Variants in RBFOX1 observed in about 807,000 individuals in gnomAD.
RBFOX1 encodes the protein RNA binding protein fox-1 homolog 1.
A neutral mutation model predicts 57.7 loss-of-function variants in RBFOX1; 8 were observed. The ratio of observed to expected loss-of-function variants is 0.14; its 90% CI spans 0.08 to 0.25. The LOEUF (loss-of-function observed/expected upper bound fraction) is 0.25. Ranked by LOEUF, RBFOX1 falls within the 10% of genes least tolerant of loss-of-function variation. The pLI is 1.00. For synonymous variants in RBFOX1, 326 were observed against 222.4 expected (o/e 1.47, Z -4.15); for missense variants, 611 against 548.5 (o/e 1.11, Z -1.14).
chr16:6,691,026 G>A (rs553008487), intron 3 of RBFOX1, among the ~76,000 whole-genome samples: 4 of 152,088 alleles, frequency 2.6e-5, no homozygotes, highest in Non-Finnish European at 5.9e-5. Flanking sequence ...GCAGCTTCCA[G>A]TCATTTTGTT....
intron 1 of RBFOX1, among the ~76,000 whole-genome samples, chr16:5,310,013 G>C (rs1443448834): frequency 6.6e-6 from 1 of 152,046 alleles, no homozygotes; most frequent in Admixed American, 6.5e-5. Flanking sequence ...AACCTTTTTT[G>C]GCTTAGCCAT....
intron 4 of RBFOX1, among the ~76,000 whole-genome samples, chr16:7,219,145 T>A (rs1204694166): frequency 6.6e-6 from 1 of 152,074 alleles, no homozygotes. Flanking sequence ...CTGCTCGGAG[T>A]AGCCTTGTTA....
chr16:6,274,623 A>C (rs1157838888), intron 1 of RBFOX1, among the ~76,000 whole-genome samples: 2 of 152,288 alleles, frequency 1.3e-5, no homozygotes, highest in South Asian at 4.1e-4. Flanking sequence ...TGACTGTATT[A>C]GCGCTATCAT....
At chr16:7,187,807 T>C (rs1243082857) in intron 4 of RBFOX1, among the ~76,000 whole-genome samples, 1 of 151,160 alleles carries the variant, frequency 6.6e-6, no homozygotes, top group Non-Finnish European at 1.5e-5. Flanking sequence ...TTTTTCTTAA[T>C]GGTGAGAAAT....
chr16:7,512,940 G>T (rs2075491901), intron 4 of RBFOX1, among the ~76,000 whole-genome samples: 1 of 152,206 alleles, frequency 6.6e-6, no homozygotes, highest in South Asian at 2.1e-4. Flanking sequence ...GGTCCATGGT[G>T]TGTGTGATAG....
In RBFOX1 at chr16:6,863,725, C is replaced by CTTTTT. The variant is rs71408412; in HGVS notation, c.-15-188309_-15-188305dup. 2.5e-3 allele frequency among the ~76,000 whole-genome samples: 169 copies of CTTTTT among 67,756 alleles called. 13 individuals are homozygous for CTTTTT. Among genetic ancestry groups the CTTTTT allele is most frequent in the African/African-American group, 3.8e-3 (51 of 13,378 alleles). 44.5% of individuals were successfully genotyped at this position (67,756 alleles called of 152,430 possible). The stretch of plus-strand genomic sequence containing the variant: ...CGGAAGCACAAATTGGATGCCTGCG[C>CTTTTT]TTTTTTTTTTTTTTTTTTTTTTTTT... On this transcript the variant is annotated intron_variant, in intron 3 of 15. Transcript: ENST00000550418.
chr16:7,260,693 T>A (rs753289412), intron 4 of RBFOX1, among the ~76,000 whole-genome samples: 1 of 144,978 alleles, frequency 6.9e-6, no homozygotes, highest in East Asian at 3.3e-4. Context: ...AATGTTCTAA[T>A]GAGAATATTT....
At chr16:7,414,740 C>G (rs1327095824) in intron 4 of RBFOX1, among the ~76,000 whole-genome samples, 3 of 152,172 alleles carry the variant, frequency 2.0e-5, no homozygotes, top group Non-Finnish European at 4.4e-5. Flanking sequence ...GCCTCAGCCT[C>G]CAGAGTAGCT....
rs146427137 is a variant in RBFOX1 at position 5,930,706 on chromosome 16, T to C, written c.351+63371T>C. On this transcript the variant is annotated intron_variant, in intron 4 of 19. Coordinates refer to the RBFOX1 transcript ENST00000641259. Reference sequence around the variant, plus strand: ...AGTGGGAGGGTGGGTGGATGCATGGTTGGGTAGGTGGGAGGGTGAGTAGGT... The same window carrying C: ...AGTGGGAGGGTGGGTGGATGCATGGCTGGGTAGGTGGGAGGGTGAGTAGGT... 9.9e-3 allele frequency among the ~76,000 whole-genome samples: 612 copies of C among 61,724 alleles called. 7 individuals carry two copies. The highest frequency in any genetic ancestry group is 0.017 in the Middle Eastern group (1 of 60). 40.5% of individuals were successfully genotyped at this position (61,724 alleles called of 152,430 possible). A position where few individuals can be genotyped will look rare whatever the true frequency, so the allele number is the denominator to read the frequency against.
intron 3 of RBFOX1, among the ~76,000 whole-genome samples, chr16:6,755,895 G>A (rs1401486538): frequency 6.6e-6 from 1 of 152,130 alleles, no homozygotes; most frequent in Non-Finnish European, 1.5e-5. Flanking sequence ...GCTGAAAACT[G>A]CAGCAGATGC....
At chr16:6,102,066 T>G (rs2096316590) in intron 1 of RBFOX1, among the ~76,000 whole-genome samples, 1 of 152,066 alleles carries the variant, frequency 6.6e-6, no homozygotes, top group Non-Finnish European at 1.5e-5. Context: ...TTTTGTTTCC[T>G]ATGTGTGTAG....
At chr16:5,551,772 T>C (rs2045474435) in intron 2 of RBFOX1, among the ~76,000 whole-genome samples, 1 of 152,062 alleles carries the variant, frequency 6.6e-6, no homozygotes. Flanking sequence ...GTATTTCTCC[T>C]AAAGCTGTCC....
chr16:5,603,605 G>A (rs2047442297), downstream of RBFOX1, among the ~76,000 whole-genome samples: 1 of 152,162 alleles, frequency 6.6e-6, no homozygotes, highest in Non-Finnish European at 1.5e-5. Context: ...CAATCTTTCT[G>A]CCCCTCGATA....
At chr16:6,770,673 C>A (rs374266046) in intron 3 of RBFOX1, among the ~76,000 whole-genome samples, 1 of 152,058 alleles carries the variant, frequency 6.6e-6, no homozygotes, top group African/African-American at 2.4e-5. Flanking sequence ...AGAGAAGAGT[C>A]CACAAAGTTC....
At chr16:5,253,592 C>A (rs918799676) in intron 1 of RBFOX1, among the ~76,000 whole-genome samples, 1 of 152,180 alleles carries the variant, frequency 6.6e-6, no homozygotes, top group Non-Finnish European at 1.5e-5. Flanking sequence ...CCTCTGAGTC[C>A]GTGGCAGCCT....
intron 2 of RBFOX1, among the ~76,000 whole-genome samples, chr16:6,607,555 C>G (rs1263131603): frequency 6.8e-6 from 1 of 146,650 alleles, no homozygotes; most frequent in Non-Finnish European, 1.5e-5. Context: ...CCTCCTCTTT[C>G]CCTCTTCCTC....
At chr16:6,083,636 C>G (rs978899663) in intron 1 of RBFOX1, among the ~76,000 whole-genome samples, 3 of 152,020 alleles carry the variant, frequency 2.0e-5, no homozygotes, top group African/African-American at 7.2e-5. Flanking sequence ...GCCACCACGC[C>G]CAGCTAATTT....
chr16:6,178,177 C>CTTTT (rs34382826), intron 1 of RBFOX1, among the ~76,000 whole-genome samples: 7 of 69,614 alleles, frequency 1.0e-4, no homozygotes, highest in African/African-American at 2.8e-4. Flanking sequence ...AAAGGTCACT[C>CTTTT]TTTTTTTTTT....
intron 2 of RBFOX1, among the ~76,000 whole-genome samples, chr16:6,615,422 T>G (rs988764221): frequency 7.9e-5 from 12 of 152,052 alleles, no homozygotes; most frequent in Non-Finnish European, 1.2e-4. Context: ...ATACAAAAAT[T>G]AGCTGGGTGT....
Sources: allele counts gnomAD v4.1 joint callset (sites outside exome capture counted in the v4.1 genomes callset), GRCh38; gene constraint gnomAD v4.1.1; transcripts MANE v1.5; gene names NCBI Gene and HGNC (gene_info 2026-07-23, HGNC 2026-07-21).